RCOR1: variants seen among roughly 807,000 people sequenced by gnomAD.
RCOR1 encodes the protein REST corepressor 1.
Under a neutral mutation model 64.0 loss-of-function variants are expected in RCOR1, and 12 were observed. That is an observed-to-expected ratio of 0.19 (90% confidence interval 0.12 to 0.30). The LOEUF (loss-of-function observed/expected upper bound fraction) is 0.30, where lower values mean the gene tolerates loss of function less well. Among genes scored for constraint, RCOR1 ranks in the 10% least tolerant of loss-of-function variants. RCOR1 has a pLI of 1.00. For missense variants in RCOR1, 502 were observed against 621.2 expected, an observed-to-expected ratio of 0.81 and a Z score of 2.04; for synonymous variants, 279 against 227.2, an observed-to-expected ratio of 1.23 and a Z score of -2.05.
At chr14:102,624,418 T>G (rs575483202) in intron 2 of RCOR1, among the ~76,000 whole-genome samples, 2 of 149,206 alleles carry the variant, frequency 1.3e-5, no homozygotes, top group East Asian at 4.0e-4. Context: ...AGGCAGAGAA[T>G]CTCTTGAACC....
At chr14:102,724,377 T>C (rs1292972755) in intron 11 of RCOR1, among the ~76,000 whole-genome samples, 2 of 152,026 alleles carry the variant, frequency 1.3e-5, no homozygotes, top group Admixed American at 6.6e-5. Context: ...CAGGCTGGAG[T>C]GCAGTGGCTC....
At chr14:102,664,531 G>A (rs1894881293) in intron 2 of RCOR1, among the ~76,000 whole-genome samples, 1 of 152,218 alleles carries the variant, frequency 6.6e-6, no homozygotes, top group African/African-American at 2.4e-5. Context: ...TTAAAGGGTA[G>A]AGTGCTATTA....
At chr14:102,598,536 A>G (rs1893316187) in intron 2 of RCOR1, among the ~76,000 whole-genome samples, 1 of 137,622 alleles carries the variant, frequency 7.3e-6, no homozygotes, top group African/African-American at 2.7e-5. Flanking sequence ...CAAGCTCCGC[A>G]TCCTGGGTTC....
intron 8 of RCOR1, among the ~76,000 whole-genome samples, chr14:102,720,337 T>G (rs1023153423): frequency 3.3e-5 from 5 of 152,142 alleles, no homozygotes; most frequent in Admixed American, 6.5e-5. Context: ...GAGGTTGGTA[T>G]TGTTTGTGGT....
chr14:102,683,086 C>T lies in RCOR1; in HGVS notation c.445+1108C>T, dbSNP rs567386761. On this transcript the variant is annotated intron_variant, in intron 3 of 11. Coordinates refer to ENST00000262241, the MANE Select transcript of RCOR1 (RefSeq NM_015156.4). ...TTAATGTTATCTTATTTTTCATAGA[C>T]CTAGAAGAAAAGGGCAGAATATGTA... is the stretch of plus-strand genomic sequence containing the variant. 9.2e-5 allele frequency among the ~76,000 whole-genome samples: 14 copies of T among 152,122 alleles called. No homozygotes were observed. The East Asian group carries it at 2.7e-3, about 29-fold the overall frequency.
At chr14:102,686,727 G>A (rs1895428179) in intron 3 of RCOR1, among the ~76,000 whole-genome samples, 1 of 152,122 alleles carries the variant, frequency 6.6e-6, no homozygotes, top group South Asian at 2.1e-4. Context: ...ATGCATTTAA[G>A]GTTCCACTGT....
At chr14:102,599,256 G>A (rs1442892727) in intron 2 of RCOR1, among the ~76,000 whole-genome samples, 1 of 151,820 alleles carries the variant, frequency 6.6e-6, no homozygotes, top group Non-Finnish European at 1.5e-5. Flanking sequence ...TACCTCGAAA[G>A]TAGCTGGGAC....
In RCOR1 at chr14:102,717,593, GGAA is replaced by G. The variant is rs1207704491; in HGVS notation, c.1053+2980_1053+2982del. ...GAGCATTTGAAGTTCTGTTTGCACT[GGAA>G]GAACTGTCTCGGGCTGTGAGCTCTT... On this transcript the variant is annotated intron_variant, in intron 8 of 11. Coordinates refer to ENST00000262241, the MANE Select transcript of RCOR1 (RefSeq NM_015156.4). 7.9e-5 allele frequency among the ~76,000 whole-genome samples: 12 copies of G among 152,180 alleles called. 1 individual carries two copies. The highest frequency in any genetic ancestry group is 7.9e-4 in the Admixed American group (12 of 15,280).
At chr14:102,715,950 C>T (rs903533613) in intron 8 of RCOR1, among the ~76,000 whole-genome samples, 5 of 152,170 alleles carry the variant, frequency 3.3e-5, no homozygotes, top group Admixed American at 3.3e-4. Flanking sequence ...ATGCTAGTAG[C>T]ACCCTCCCCT....
chr14:102,723,068 T>TA (rs1278021016), intron 11 of RCOR1, among the ~76,000 whole-genome samples: 8 of 152,240 alleles, frequency 5.3e-5, no homozygotes, highest in Non-Finnish European at 4.4e-5. Flanking sequence ...GCCTTGCTGT[T>TA]ACATTTGTCC....
In RCOR1 at chr14:102,637,568, A is replaced by G. The variant is rs930952984; in HGVS notation, c.361+44243A>G. On this transcript the variant is annotated intron_variant, in intron 2 of 11. Coordinates refer to ENST00000262241, the MANE Select transcript of RCOR1 (RefSeq NM_015156.4). ...TGGGCTTAGGTGATCCTCCCATCTCAGCCTCCCAAGTAGCTAGGACCACAG... is the reference window on the plus strand; with the variant it reads ...TGGGCTTAGGTGATCCTCCCATCTCGGCCTCCCAAGTAGCTAGGACCACAG... Among the ~76,000 whole-genome samples, 45 of 152,204 alleles carry G rather than the reference A, an allele frequency of 3.0e-4. 1 individual carries two copies. Among genetic ancestry groups the G allele is most frequent in the Admixed American group, 2.2e-3 (34 of 15,284 alleles).
chr14:102,624,799 C>G (rs537670331), intron 2 of RCOR1, among the ~76,000 whole-genome samples: 1 of 151,930 alleles, frequency 6.6e-6, no homozygotes, highest in African/African-American at 2.4e-5. Flanking sequence ...ATTACTTAAT[C>G]TCTTAGCCTC....
At chr14:102,692,756 CTTTTTCTTT>C (rs1307979872) in intron 3 of RCOR1, among the ~76,000 whole-genome samples, 2 of 123,936 alleles carry the variant, frequency 1.6e-5, no homozygotes, top group Non-Finnish European at 3.4e-5. Flanking sequence ...TTCCTTCCTT[CTTTTTCTTT>C]TTCTTTTTTT....
rs1169527906 is a variant in RCOR1, at chr14:102,680,112, CTT to C, written c.362-1782_362-1781del. Among the ~76,000 whole-genome samples, 59 of 152,162 alleles carry C rather than the reference CTT, an allele frequency of 3.9e-4. No homozygotes were observed. In the East Asian group the frequency reaches 9.3e-3, roughly 24 times the overall value. ...GTTTTGTAGTTTTCAGTGTACACAT[CTT>C]ACTTTATCCCTAAGTTATTTCATAT... is the stretch of plus-strand genomic sequence containing the variant. On this transcript the variant is annotated intron_variant, in intron 2 of 11. Transcript: ENST00000262241.
At chr14:102,677,026 G>C (rs1385950181) in intron 2 of RCOR1, among the ~76,000 whole-genome samples, 1 of 118,824 alleles carries the variant, frequency 8.4e-6, no homozygotes, top group South Asian at 2.7e-4. Flanking sequence ...CCGGCCGGGC[G>C]GGGGGCTGAC....
intron 2 of RCOR1, among the ~76,000 whole-genome samples, chr14:102,665,848 T>C (rs1028469950): frequency 2.0e-5 from 3 of 152,248 alleles, no homozygotes; most frequent in Admixed American, 2.0e-4. Flanking sequence ...GCCCAGTTAC[T>C]GGCACGTAGT....
At chr14:102,697,917 C>T (rs1895679931) in intron 3 of RCOR1, among the ~76,000 whole-genome samples, 1 of 152,136 alleles carries the variant, frequency 6.6e-6, no homozygotes, top group Non-Finnish European at 1.5e-5. Context: ...GATGGGGTTT[C>T]ACCATGTTGG....
intron 2 of RCOR1, among the ~76,000 whole-genome samples, chr14:102,601,287 A>G (rs1048071659): frequency 6.6e-6 from 1 of 152,168 alleles, no homozygotes; most frequent in African/African-American, 2.4e-5. Context: ...TGCTGGGATT[A>G]CAGGCTTGAG....
chr14:102,633,184 G>C (rs1217603829), intron 2 of RCOR1, among the ~76,000 whole-genome samples: 1 of 151,768 alleles, frequency 6.6e-6, no homozygotes, highest in East Asian at 1.9e-4. Flanking sequence ...TGATTAATCA[G>C]ATCATTTTAA....
Sources: gnomAD v4.1 joint callset for allele counts (sites outside exome capture counted in the v4.1 genomes callset) on GRCh38, gnomAD v4.1.1 for gene constraint, MANE v1.5 for transcripts, NCBI Gene and HGNC (gene_info 2026-07-23, HGNC 2026-07-21) for gene names.